The following KDM5B variants were observed in gnomAD, a reference collection of about 807,000 sequenced individuals.
The protein encoded by KDM5B is lysine demethylase 5B.
A neutral mutation model predicts 193.4 loss-of-function variants in KDM5B; 144 were observed. The ratio of observed to expected loss-of-function variants is 0.74; its 90% CI spans 0.65 to 0.86. The LOEUF is 0.86. Ranked by LOEUF, KDM5B falls within the 40% of genes least tolerant of loss-of-function variation. The probability of loss-of-function intolerance (pLI) is 0.00; values close to 1 mark genes in which losing one functional copy is unlikely to be tolerated. For missense variants in KDM5B, 1,833 were observed against 1,886.9 expected (o/e 0.97, Z 0.53); for synonymous variants, 668 against 682.6 (o/e 0.98, Z 0.33).
At chr1:202,748,069 TCACCAGAA>T (rs1655635443) in intron 14 of KDM5B, among the ~76,000 whole-genome samples, 1 of 152,148 alleles carries the variant, frequency 6.6e-6, no homozygotes, top group South Asian at 2.1e-4. Context: ...GATGCATAGA[TCACCAGAA>T]CACAAGAGTC....
At chr1:202,802,272 C>T (rs1415225522) in intron 1 of KDM5B, among the ~76,000 whole-genome samples, 2 of 152,154 alleles carry the variant, frequency 1.3e-5, no homozygotes, top group East Asian at 3.9e-4. Flanking sequence ...TAATGGGGTC[C>T]AATTAAGGCA....
In KDM5B at chr1:202,741,382, C is replaced by G. The variant is rs754976034; in HGVS notation, c.2930G>C (p.Ser977Thr). The G allele has an allele frequency of 9.0e-6, 14 of 1,549,958 alleles. No individual in the cohort carries two copies. The South Asian group carries it at 1.4e-4, about 15-fold the overall frequency. Residue 977 changes from serine to threonine, a missense_variant, in exon 19 of 27, where the codon AGT becomes ACT. Physicochemically the swap from Ser to Thr is moderately conservative, Grantham distance 58 (BLOSUM62 1). Transcript: ENST00000367265. ...GCTTTTTCACCTGGCCTTGAGGAGA[C>G]TCTTGGCTTTGTCGTCCCAGTGCTC... ...VSEHWDDKAK[S>T]LLKARPRHSL...
chr1:202,735,664 G>C, intron 21 of KDM5B, 77 bp from the exon 22 acceptor site: 6 of 1,353,752 alleles, frequency 4.4e-6, no homozygotes, highest in Non-Finnish European at 6.2e-6. Context: ...CAAAATAAAA[G>C]CCTAAGCAGT....
At position 202,755,312 on chromosome 1, in the gene KDM5B, G is replaced by A. The variant is rs763937538; in HGVS notation, c.1497C>T (p.His499=). The change falls in exon 11 of 27, where the codon CAC becomes CAT. Residue 499 remains histidine (H), a synonymous_variant. Transcript: ENST00000367265. ...TTGAATAGCTCCAGTGGTCTTCAAT[G>A]TGCCAACAGAATGAAGAAAAGCACA... The part of the protein sequence containing the change: ...VGMCFSSFCW[H]IEDHWSYSIN... The A allele has an allele frequency of 1.2e-6, 2 of 1,614,148 alleles. No homozygotes were observed. The highest frequency in any genetic ancestry group is 1.1e-5 in the South Asian group (1 of 91,090).
chr1:202,750,358 G>A (rs147346627), intron 13 of KDM5B, among the ~76,000 whole-genome samples: 200 of 151,996 alleles, frequency 1.3e-3, no homozygotes, highest in African/African-American at 4.6e-3. Context: ...GGCTCACTGC[G>A]ACCTCCACCT....
intron 1 of KDM5B, chr1:202,796,242 G>A (rs1340043212): frequency 5.2e-6 from 2 of 383,004 alleles, no homozygotes; most frequent in East Asian, 1.6e-4. Flanking sequence ...CTCCAATCCT[G>A]TACTACAATG....
intron 24 of KDM5B, 96 bp from the exon 25 acceptor site, chr1:202,731,159 A>T (rs1420799780): frequency 1.1e-6 from 1 of 888,416 alleles, no homozygotes; most frequent in Non-Finnish European, 1.7e-6. Flanking sequence ...TGCCCCTAAT[A>T]CCACTACTAC....
intron 1 of KDM5B, among the ~76,000 whole-genome samples, chr1:202,803,949 G>A (rs1658182849): frequency 8.5e-6 from 1 of 117,446 alleles, no homozygotes; most frequent in Admixed American, 1.1e-4. Context: ...CGGGGGAGGG[G>A]GGAGGGAAAG....
At chr1:202,795,000 G>T (rs1394740189) in intron 1 of KDM5B, among the ~76,000 whole-genome samples, 1 of 151,994 alleles carries the variant, frequency 6.6e-6, no homozygotes, top group Non-Finnish European at 1.5e-5. Context: ...ATCACTTGAG[G>T]TCAGGAGTTC....
chr1:202,761,357 A>T (rs886879283), intron 7 of KDM5B, among the ~76,000 whole-genome samples: 3 of 152,142 alleles, frequency 2.0e-5, no homozygotes, highest in Admixed American at 2.0e-4. Flanking sequence ...GGGCAAAAGG[A>T]TCCCTTGAGC....
intron 6 of KDM5B, 121 bp downstream of exon 6, chr1:202,763,927 TG>T: frequency 1.6e-6 from 1 of 630,964 alleles, no homozygotes. Flanking sequence ...TACTATGTAC[TG>T]GCTGCTCTAA....
intron 8 of KDM5B, among the ~76,000 whole-genome samples, 182 bp downstream of exon 8, chr1:202,760,233 T>C (rs1029514401): frequency 2.6e-5 from 4 of 152,012 alleles, no homozygotes; most frequent in Non-Finnish European, 5.9e-5. Context: ...GGAGAACTGC[T>C]TGAGCCAGGG....
At chr1:202,778,561 A>G (rs1247044495) in intron 1 of KDM5B, among the ~76,000 whole-genome samples, 1 of 152,208 alleles carries the variant, frequency 6.6e-6, no homozygotes, top group Non-Finnish European at 1.5e-5. Context: ...TTTTAATACA[A>G]TGAAAAAAGC....
At chr1:202,754,414 AAAAGT>A (rs1297812778) in intron 11 of KDM5B, among the ~76,000 whole-genome samples, 7 of 152,306 alleles carry the variant, frequency 4.6e-5, no homozygotes, top group Admixed American at 2.6e-4. Flanking sequence ...GAAGAGTTTA[AAAAGT>A]AAAGAAGCCC....
rs1656791451 is a variant in KDM5B, at chr1:202,773,149, T to C, written c.545A>G (p.Tyr182Cys). 1.2e-6 allele frequency: 2 copies of C among 1,613,742 alleles called. No individual in the cohort carries two copies. The highest frequency in any genetic ancestry group is 1.7e-6 in the Non-Finnish European group (2 of 1,179,638). Residue 182 changes from tyrosine to cysteine, a missense_variant, in exon 4 of 27, where the codon TAC (tyrosine) becomes TGC (cysteine). Coordinates refer to ENST00000367265, the MANE Select transcript of KDM5B (RefSeq NM_006618.5). ...RGHYERILNP[Y>C]NLFLSGDSLR... is the part of the protein sequence containing the mutation. ...GCTGTCTCCGGACAGGAATAAGTTG[T>C]AGGGGTTGAGAATTCGTTCATAATG...
intron 1 of KDM5B, among the ~76,000 whole-genome samples, chr1:202,795,122 G>A (rs941304144): frequency 6.6e-6 from 1 of 152,098 alleles, no homozygotes; most frequent in African/African-American, 2.4e-5. Context: ...GCTGAGGCAT[G>A]AGAATCGCTT....
intron 5 of KDM5B, among the ~76,000 whole-genome samples, chr1:202,766,662 A>G (rs1328529628): frequency 2.6e-5 from 4 of 152,200 alleles, no homozygotes; most frequent in Non-Finnish European, 5.9e-5. Flanking sequence ...GAACACAGGA[A>G]CACCAATTCT....
In KDM5B at chr1:202,731,848, C is replaced by T. The variant is rs778449488; in HGVS notation, c.4001G>A (p.Arg1334Gln). 13 of 1,611,436 alleles carry T rather than the reference C, an allele frequency of 8.1e-6. No individual in the cohort carries two copies. The highest frequency in any genetic ancestry group is 6.6e-5 in the South Asian group (6 of 91,040). Residue 1334 changes from arginine to glutamine, a missense_variant, in exon 24 of 27, where the codon CGA (arginine) becomes CAA (glutamine). By Grantham distance (43) the Arg-to-Gln change is conservative (BLOSUM62 1). Transcript: ENST00000367265. ...CAAACCATGGAGGGGGATACAACTT[C>T]GTCCAGTTGAGAAGGGGGAGTGCAA... Reference protein sequence around the residue: ...SYLHSPFSTGRSCIPLHGVSP... With the variant: ...SYLHSPFSTGQSCIPLHGVSP...
At position 202,746,302 on chromosome 1, in the gene KDM5B, T is replaced by C; in HGVS notation, c.2038A>G (p.Met680Val). 1 of 1,610,180 alleles carries C rather than the reference T, an allele frequency of 6.2e-7. No homozygotes were observed. Among genetic ancestry groups the C allele is most frequent in the South Asian group, 1.1e-5 (1 of 90,702 alleles). Residue 680 changes from methionine to valine, a missense_variant, in exon 15 of 27, where the codon ATG becomes GTG. Transcript: ENST00000367265. ...TCATCTGGCAACAGCTCAAAATCCA[T>C]TCTTTCCGAATCAATCACTCCCTAG... The part of the protein sequence containing the change: ...RKLGVIDSER[M>V]DFELLPDDER...
Sources: allele counts gnomAD v4.1 joint callset (sites outside exome capture counted in the v4.1 genomes callset), GRCh38; gene constraint gnomAD v4.1.1; transcripts MANE v1.5; gene names NCBI Gene and HGNC (gene_info 2026-07-23, HGNC 2026-07-21).